The following PDCD6IP variants were observed in gnomAD, a reference collection of about 807,000 sequenced individuals.
PDCD6IP encodes programmed cell death 6-interacting protein.
Under a neutral mutation model 103.7 loss-of-function variants are expected in PDCD6IP, and 43 were observed. The observed-to-expected ratio is 0.41, with a 90% CI of 0.32 to 0.53. The LOEUF (loss-of-function observed/expected upper bound fraction) is 0.53. PDCD6IP is among the 20% of genes least tolerant of loss of function. PDCD6IP has a pLI of 0.16. For missense variants in PDCD6IP, 871 were observed against 1,036.7 expected (o/e 0.84, Z 2.20); for synonymous variants, 354 against 378.7 (o/e 0.93, Z 0.76).
chr3:33,814,460 A>G (rs9825084), intron 3 of PDCD6IP, among the ~76,000 whole-genome samples: 4,444 of 151,224 alleles, frequency 0.029, 77 homozygotes, highest in African/African-American at 0.052. Flanking sequence ...GGATTAAATG[A>G]GTGAATACAT....
intron 4 of PDCD6IP, among the ~76,000 whole-genome samples, chr3:33,822,680 G>A (rs1697019711): frequency 6.6e-6 from 1 of 152,042 alleles, no homozygotes; most frequent in South Asian, 2.1e-4. Flanking sequence ...TTTTGAGACG[G>A]AGTCTTGTTC....
At chr3:33,845,110 G>C (rs1224292810) in intron 11 of PDCD6IP, among the ~76,000 whole-genome samples, 1 of 151,798 alleles carries the variant, frequency 6.6e-6, no homozygotes, top group East Asian at 1.9e-4. Context: ...AGTTTTTGGA[G>C]AGAATGATTT....
chr3:33,834,645 A>G (rs1276277787), intron 7 of PDCD6IP, among the ~76,000 whole-genome samples: 3 of 152,208 alleles, frequency 2.0e-5, no homozygotes, highest in African/African-American at 7.2e-5. Flanking sequence ...CTTTTTCAAC[A>G]TCTATGGAGA....
intron 4 of PDCD6IP, among the ~76,000 whole-genome samples, chr3:33,824,745 C>G (rs1697074182): frequency 6.6e-6 from 1 of 152,196 alleles, no homozygotes; most frequent in South Asian, 2.1e-4. Context: ...AATGCTGTTC[C>G]TCAGAGGACT....
At chr3:33,825,543 G>A (rs564880603) in intron 5 of PDCD6IP, among the ~76,000 whole-genome samples, 34 of 152,310 alleles carry the variant, frequency 2.2e-4, no homozygotes, top group Admixed American at 3.3e-4. Flanking sequence ...TTGAAGTCAT[G>A]AAATAGATCT....
intron 4 of PDCD6IP, 79 bp downstream of exon 4, chr3:33,822,161 T>C: frequency 2.1e-6 from 3 of 1,408,230 alleles, no homozygotes; most frequent in Admixed American, 1.8e-5. Context: ...TTTAGGTTTA[T>C]AGATACTTCT....
chr3:33,852,344 A>G (rs1182655364), intron 12 of PDCD6IP, 144 bp from the exon 13 acceptor site: 4 of 1,372,836 alleles, frequency 2.9e-6, no homozygotes, highest in Non-Finnish European at 3.8e-6. Context: ...TATCTATATA[A>G]ACCTGACGTT....
At chr3:33,798,994 C>T (rs758133106) in intron 1 of PDCD6IP, 57 bp downstream of exon 1, 19 of 1,390,292 alleles carry the variant, frequency 1.4e-5, no homozygotes, top group Non-Finnish European at 1.8e-5. Context: ...CGCCGCTCCT[C>T]TTCCCGTCTC....
intron 15 of PDCD6IP, among the ~76,000 whole-genome samples, chr3:33,857,031 A>G (rs542239926): frequency 9.9e-5 from 15 of 152,068 alleles, no homozygotes; most frequent in African/African-American, 3.4e-4. Context: ...GAACATGTTC[A>G]TGTTCATTCA....
chr3:33,836,609 A>G (rs1024835856), intron 8 of PDCD6IP, among the ~76,000 whole-genome samples: 19 of 152,038 alleles, frequency 1.2e-4, no homozygotes, highest in Non-Finnish European at 2.6e-4. Flanking sequence ...TAATCCTAGC[A>G]CTTTGGGAGG....
intron 7 of PDCD6IP, chr3:33,835,316 G>A: frequency 2.2e-6 from 1 of 456,748 alleles, no homozygotes; most frequent in South Asian, 1.5e-5. Flanking sequence ...AGGAGTGAAA[G>A]AGGTGCATCT....
chr3:33,820,376 A>C (rs1021735828), intron 3 of PDCD6IP, among the ~76,000 whole-genome samples: 2 of 152,222 alleles, frequency 1.3e-5, no homozygotes, highest in African/African-American at 4.8e-5. Flanking sequence ...AACTGTAGGT[A>C]CCTCATACAA....
At chr3:33,820,556 A>G (rs1368738393) in intron 3 of PDCD6IP, among the ~76,000 whole-genome samples, 1 of 152,118 alleles carries the variant, frequency 6.6e-6, no homozygotes, top group Non-Finnish European at 1.5e-5. Flanking sequence ...ATTGAACAAC[A>G]ATCCCCCTCC....
chr3:33,825,112 A>T (rs1267946860), intron 4 of PDCD6IP, 75 bp from the exon 5 acceptor site: 1 of 1,284,918 alleles, frequency 7.8e-7, no homozygotes, highest in Non-Finnish European at 1.1e-6. Flanking sequence ...AACATTTGAA[A>T]TGACTTTTAT....
intron 1 of PDCD6IP, among the ~76,000 whole-genome samples, chr3:33,802,884 C>G (rs901928842): frequency 6.6e-6 from 1 of 152,178 alleles, no homozygotes; most frequent in Non-Finnish European, 1.5e-5. Flanking sequence ...CATACCTTCT[C>G]GTTCCAGCCT....
intron 7 of PDCD6IP, among the ~76,000 whole-genome samples, chr3:33,830,145 G>A (rs1425473412): frequency 6.6e-6 from 1 of 152,140 alleles, no homozygotes; most frequent in Non-Finnish European, 1.5e-5. Context: ...TGTTTAGGAG[G>A]TTCAGATTAA....
chr3:33,856,127 C>T (rs1342595519), intron 15 of PDCD6IP, among the ~76,000 whole-genome samples: 1 of 152,204 alleles, frequency 6.6e-6, no homozygotes, highest in Admixed American at 6.5e-5. Flanking sequence ...CCTTATGAGA[C>T]TCTGACTAAT....
At chr3:33,810,449 TCA>T (rs1696691153) in intron 1 of PDCD6IP, among the ~76,000 whole-genome samples, 1 of 152,178 alleles carries the variant, frequency 6.6e-6, no homozygotes, top group Non-Finnish European at 1.5e-5. Context: ...TTGAATTTTT[TCA>T]GTCTCAGCCC....
Position 33,845,600 on chromosome 3 carries a change from A to C in PDCD6IP, c.1641+12A>C. The C allele has an allele frequency of 6.3e-7, 1 of 1,580,524 alleles. No individual in the cohort carries two copies. Among genetic ancestry groups the C allele is most frequent in the Non-Finnish European group, 8.6e-7 (1 of 1,157,876 alleles). On this transcript the variant is annotated intron_variant, in intron 12 of 17. Coordinates refer to ENST00000307296, the MANE Select transcript of PDCD6IP (RefSeq NM_013374.6). The stretch of plus-strand genomic sequence containing the variant: ...TGCAGGGCAGTGAGGTAAGAAGGAC[A>C]CTTTGATGTAGGTTGTCATCTGCTT...
Sources: allele counts gnomAD v4.1 joint callset (sites outside exome capture counted in the v4.1 genomes callset), GRCh38; gene constraint gnomAD v4.1.1; transcripts MANE v1.5; gene names NCBI Gene and HGNC (gene_info 2026-07-23, HGNC 2026-07-21).